CTBS: variants seen among roughly 807,000 people sequenced by gnomAD.
CTBS encodes the protein di-N-acetylchitobiase.
In CTBS, 35 loss-of-function variants were observed where a neutral mutation model predicts 44.3. The ratio of observed to expected loss-of-function variants is 0.79; its 90% CI spans 0.60 to 1.05. The LOEUF (loss-of-function observed/expected upper bound fraction) is 1.05. Ranked by LOEUF, CTBS falls within the 50% of genes least tolerant of loss-of-function variation. CTBS has a pLI of 0.00. For synonymous variants in CTBS, 143 were observed against 168.0 expected, an observed-to-expected ratio of 0.85 and a Z score of 1.15; for missense variants, 458 against 475.3, an observed-to-expected ratio of 0.96 and a Z score of 0.34.
chr1:84,566,057 GC>G, intron 3 of CTBS, 45 bp from the exon 4 acceptor site: 1 of 1,214,620 alleles, frequency 8.2e-7, no homozygotes, highest in Non-Finnish European at 1.1e-6. Context: ...GATCACGTGT[GC>G]ATATTACGTC....
At position 84,560,083 on chromosome 1, in the gene CTBS, CAAAA is replaced by C. The variant is rs751117358; in HGVS notation, c.957+3170_957+3173del. ...TGGGCGACAGAGCAAGACTCTGTCT[CAAAA>C]AAAAAAAAAAAAAGAAAGAAAGAAA... On this transcript the variant is annotated intron_variant, in intron 6 of 6. Coordinates refer to ENST00000370630, the MANE Select transcript of CTBS (RefSeq NM_004388.3). Among the ~76,000 whole-genome samples, 16 of 61,342 alleles carry C rather than the reference CAAAA, an allele frequency of 2.6e-4. No homozygotes were observed. In the East Asian group the frequency reaches 2.7e-3, roughly 10 times the overall value. 40.2% of individuals were successfully genotyped at this position (61,342 alleles called of 152,430 possible). A position where few individuals can be genotyped will look rare whatever the true frequency, so the allele number is the denominator to read the frequency against.
chr1:84,555,557 G>A (rs1259217605), intron 6 of CTBS, among the ~76,000 whole-genome samples: 2 of 152,150 alleles, frequency 1.3e-5, no homozygotes, highest in African/African-American at 4.8e-5. Context: ...TACTTTCTAG[G>A]TATTATTGCT....
intron 3 of CTBS, among the ~76,000 whole-genome samples, chr1:84,569,025 A>G: frequency 6.6e-6 from 1 of 152,192 alleles, no homozygotes; most frequent in East Asian, 1.9e-4. Flanking sequence ...TACACTCAGG[A>G]TATTTTAAAC....
At chr1:84,573,141 T>G (rs1305407538) in intron 1 of CTBS, among the ~76,000 whole-genome samples, 3 of 152,160 alleles carry the variant, frequency 2.0e-5, no homozygotes, top group Non-Finnish European at 4.4e-5. Context: ...AGGTCAACAG[T>G]GAAAGGAAAC....
At chr1:84,555,500 T>C (rs550864644) in intron 6 of CTBS, among the ~76,000 whole-genome samples, 9 of 152,248 alleles carry the variant, frequency 5.9e-5, no homozygotes, top group Non-Finnish European at 1.3e-4. Flanking sequence ...ATCATATGTT[T>C]ATGGGTTTAT....
At chr1:84,569,782 C>T (rs1050717424) in intron 3 of CTBS, 149 bp downstream of exon 3, 10 of 716,850 alleles carry the variant, frequency 1.4e-5, no homozygotes, top group Non-Finnish European at 2.1e-5. Context: ...ATAAGAACAC[C>T]AAAGGCTCCA....
In CTBS at chr1:84,570,581, C is replaced by G. The variant is rs1222182416; in HGVS notation, c.316+1G>C. 2 of 1,609,170 alleles carry G rather than the reference C, an allele frequency of 1.2e-6. No homozygotes were observed. Among genetic ancestry groups the G allele is most frequent in the Non-Finnish European group, 1.7e-6 (2 of 1,177,266 alleles). On this transcript the variant is annotated splice_donor_variant, in intron 2 of 6. Coordinates refer to ENST00000370630, the MANE Select transcript of CTBS (RefSeq NM_004388.3). LOFTEE classifies it high-confidence loss of function. ...CACACATAGATCTGGAAACAACATACCTTTAAGTACTACTCTGGCTCCTTT... is the reference window on the plus strand; with the variant it reads ...CACACATAGATCTGGAAACAACATAGCTTTAAGTACTACTCTGGCTCCTTT...
At chr1:84,573,117 C>G (rs1234905098) in intron 1 of CTBS, among the ~76,000 whole-genome samples, 2 of 152,210 alleles carry the variant, frequency 1.3e-5, no homozygotes, top group Admixed American at 1.3e-4. Flanking sequence ...CCTGCTTAAG[C>G]AAACTCCAGC....
intron 3 of CTBS, among the ~76,000 whole-genome samples, chr1:84,566,399 A>G (rs1231349621): frequency 6.6e-6 from 1 of 152,208 alleles, no homozygotes; most frequent in African/African-American, 2.4e-5. Flanking sequence ...TTCAAATACA[A>G]AAGTTTTTAA....
rs999739592 is a variant in CTBS at position 84,555,792 on chromosome 1, A to G, written c.958-593T>C. ...TTCTCCAGGGTTAATGCTAGGGCAT[A>G]TATTTGTTTTGTGTTTTAATGTTTC... On this transcript the variant is annotated intron_variant, in intron 6 of 6. Transcript: ENST00000370630. 6 of 152,384 alleles carry G rather than the reference A, an allele frequency of 3.9e-5. No homozygotes were observed. In the East Asian group the frequency reaches 1.2e-3, roughly 29 times the overall value. The allele number at this position is 152,384 out of a possible 1,614,324, so 9.4% of individuals were successfully genotyped here.
rs538182186 is a variant in CTBS, at chr1:84,558,290, A to G, written c.958-3091T>C. 4.2e-4 allele frequency among the ~76,000 whole-genome samples: 62 copies of G among 146,316 alleles called. 3 individuals are homozygous for G. The South Asian group carries it at 0.014, about 33-fold the overall frequency. On this transcript the variant is annotated intron_variant, in intron 6 of 6. Transcript: ENST00000370630. ...ATACAGATAATTTTTGCCTGCCATT[A>G]AACTTTTTTTTTTTTTTGAGACGGA... is the stretch of plus-strand genomic sequence containing the variant.
intron 6 of CTBS, among the ~76,000 whole-genome samples, chr1:84,559,119 T>C (rs1684535378): frequency 6.6e-6 from 1 of 152,224 alleles, no homozygotes; most frequent in Non-Finnish European, 1.5e-5. Flanking sequence ...TGAAGGTTTA[T>C]GGCAACTCTA....
chr1:84,554,979 A>G lies in CTBS; in HGVS notation c.*20T>C, dbSNP rs1268073218. The G allele has an allele frequency of 1.4e-5, 23 of 1,601,280 alleles. No individual in the cohort carries two copies. The highest frequency in any genetic ancestry group is 1.5e-5 in the Non-Finnish European group (17 of 1,169,480). Reference sequence around the variant, plus strand: ...GATACAGATCATCTTTCTAACTCTTAATGGTTTGACAAAAGATGTTCATCT... The same window carrying G: ...GATACAGATCATCTTTCTAACTCTTGATGGTTTGACAAAAGATGTTCATCT... On this transcript the variant is annotated 3_prime_UTR_variant, in exon 7 of 7. Coordinates refer to ENST00000370630, the MANE Select transcript of CTBS (RefSeq NM_004388.3).
rs1001911399 is a variant in CTBS, at chr1:84,574,394, G to A, written c.22C>T (p.Arg8Cys). MSRPQLRRWRLVSSPPSG... is the reference protein window; with the variant it reads MSRPQLRCWRLVSSPPSG... ...GGCGGGCTAGAGACGAGGCGCCAGC[G>A]TCGAAGCTGCGGCCGGGACATAGCA... Residue 8 changes from arginine (R) to cysteine (C), a missense_variant, in exon 1 of 7, where the codon CGC becomes TGC. By Grantham distance (180) the Arg-to-Cys change is radical. Coordinates refer to ENST00000370630, the MANE Select transcript of CTBS (RefSeq NM_004388.3). 2.6e-6 allele frequency: 4 copies of A among 1,557,660 alleles called. No individual in the cohort carries two copies. Among genetic ancestry groups the A allele is most frequent in the Admixed American group, 3.9e-5 (2 of 51,878 alleles).
rs541565613 is a variant in CTBS at position 84,563,366 on chromosome 1, T to C, written c.848A>G (p.Asp283Gly). ...GTAGGGCACCTGACGTCCTGCAGCG[T>C]CACTACAAGGAGCCCCCCGGAAAGG... ...KVPFRGAPCS[D>G]AAGRQVPYKT... The change falls in exon 6 of 7, where the codon GAC becomes GGC. Residue 283 changes from aspartate (D) to glycine (G), a missense_variant. By Grantham distance (94) the Asp-to-Gly change is moderately conservative. Transcript: ENST00000370630. The C allele has an allele frequency of 8.8e-6, 14 of 1,594,358 alleles. No individual in the cohort carries two copies. The highest frequency in any genetic ancestry group is 5.4e-5 in the African/African-American group (4 of 73,832).
chr1:84,570,118 A>T lies in CTBS; in HGVS notation c.338T>A (p.Ile113Asn). Residue 113 changes from isoleucine (I) to asparagine (N), a missense_variant, in exon 3 of 7, where the codon ATC becomes AAC. By Grantham distance (149) the Ile-to-Asn change is moderately radical. Coordinates refer to ENST00000370630, the MANE Select transcript of CTBS (RefSeq NM_004388.3). Reference sequence around the variant, plus strand: ...GGATGCTCTGAAAGCAGGATCAATGATATCCTTTAAGGATACATCTCCTGT... The same window carrying T: ...GGATGCTCTGAAAGCAGGATCAATGTTATCCTTTAAGGATACATCTCCTGT... Reference protein sequence around the residue: ...VLKGDVSLKDIIDPAFRASWI... With the variant: ...VLKGDVSLKDNIDPAFRASWI... The T allele has an allele frequency of 6.2e-7, 1 of 1,612,966 alleles. No homozygotes were observed. The highest frequency in any genetic ancestry group is 8.5e-7 in the Non-Finnish European group (1 of 1,179,542).
intron 4 of CTBS, among the ~76,000 whole-genome samples, chr1:84,564,612 A>G (rs1684657285): frequency 6.6e-6 from 1 of 152,264 alleles, no homozygotes; most frequent in South Asian, 2.1e-4. Context: ...GCCTCATGTG[A>G]TCTTCCCACC....
Position 84,569,942 on chromosome 1 carries a change from C to A in CTBS, c.514G>T (p.Glu172Ter). 1 of 1,610,014 alleles carries A rather than the reference C, an allele frequency of 6.2e-7. No homozygotes were observed. Among genetic ancestry groups the A allele is most frequent in the South Asian group, 1.1e-5 (1 of 90,666 alleles). The change falls in exon 3 of 7, where the codon GAG (glutamate) becomes TAG (stop). Residue 172 changes from glutamate to a stop codon, truncating the protein, a stop_gained. Transcript: ENST00000370630. LOFTEE classifies it high-confidence loss of function. Reference protein sequence around the residue: ...ETTDSFHREIEGSQVTFDVAW... With the variant: ...ETTDSFHREI ...AAATGAGTTTTTACCTGTGATCCCT[C>A]AATTTCACGATGGAAAGAGTCTGTA...
At position 84,574,417 on chromosome 1, in the gene CTBS, G is replaced by C. The variant is rs1448264512; in HGVS notation, c.-2C>G. The C allele has an allele frequency of 1.3e-6, 2 of 1,543,550 alleles. No individual in the cohort carries two copies. The highest frequency in any genetic ancestry group is 2.0e-5 in the Admixed American group (1 of 49,468). On this transcript the variant is annotated 5_prime_UTR_variant, in exon 1 of 7. Transcript: ENST00000370630. ...GCGTCGAAGCTGCGGCCGGGACATA[G>C]CAGCAGGTCTAGCGGGCCGGAGTGG...
Sources: gnomAD v4.1 joint callset for allele counts (sites outside exome capture counted in the v4.1 genomes callset) on GRCh38, gnomAD v4.1.1 for gene constraint, MANE v1.5 for transcripts, NCBI Gene and HGNC (gene_info 2026-07-23, HGNC 2026-07-21) for gene names.